SHCBP1L: variants seen among roughly 807,000 people sequenced by gnomAD.
SHCBP1L encodes testicular spindle-associated protein SHCBP1L.
In SHCBP1L, 67 loss-of-function variants were observed where a neutral mutation model predicts 62.5. The ratio of observed to expected loss-of-function variants is 1.07; its 90% confidence interval spans 0.88 to 1.31. The LOEUF is 1.31. SHCBP1L is among the 40% of genes most tolerant of loss of function. SHCBP1L has a pLI of 0.00. For missense variants in SHCBP1L, 823 were observed against 809.8 expected (o/e 1.02, Z -0.20); for synonymous variants, 284 against 289.4 (o/e 0.98, Z 0.19).
intron 3 of SHCBP1L, among the ~76,000 whole-genome samples, chr1:182,939,852 A>T (rs1651299600): frequency 1.3e-5 from 2 of 152,178 alleles, no homozygotes; most frequent in African/African-American, 4.8e-5. Context: ...CCAAATTTGT[A>T]TGGGAGGAAA....
At chr1:182,917,869 C>T (rs992984538) in intron 6 of SHCBP1L, among the ~76,000 whole-genome samples, 5 of 151,890 alleles carry the variant, frequency 3.3e-5, no homozygotes, top group Admixed American at 6.6e-5. Flanking sequence ...TTTGGAGGGA[C>T]GCAATTCTGC....
Position 182,918,133 on chromosome 1 carries a change from TATATATATACAC to T in SHCBP1L, c.1182+11502_1182+11513del, listed in dbSNP as rs1238036723. Among the ~76,000 whole-genome samples the T allele has an allele frequency of 7.0e-4, 99 of 140,754 alleles. No homozygotes were observed. In the East Asian group the frequency reaches 7.1e-3, roughly 10 times the overall value. The allele number at this position is 140,754 out of a possible 152,430, so 92.3% of individuals were successfully genotyped here. On this transcript the variant is annotated intron_variant, in intron 6 of 9. Coordinates refer to ENST00000367547, the MANE Select transcript of SHCBP1L (RefSeq NM_030933.4). Reference sequence around the variant, plus strand: ...ACACACACATATATACGTGTGTGTGTATATATATACACATATATATACACATATATATACACA... The same window carrying T: ...ACACACACATATATACGTGTGTGTGTATATATATACACATATATATACACA...
At chr1:182,902,281 G>A (rs1571333394) in intron 9 of SHCBP1L, among the ~76,000 whole-genome samples, 2 of 152,072 alleles carry the variant, frequency 1.3e-5, no homozygotes, top group East Asian at 1.9e-4. Context: ...TCAATCTCTT[G>A]ACCTCGTGAT....
chr1:182,951,825 T>C (rs986516747), intron 1 of SHCBP1L: 2 of 253,702 alleles, frequency 7.9e-6, no homozygotes, highest in Non-Finnish European at 8.0e-6. Context: ...AAATATTTGC[T>C]CTATTCCGTT....
chr1:182,919,623 G>A (rs968256216), intron 6 of SHCBP1L, among the ~76,000 whole-genome samples: 8 of 152,130 alleles, frequency 5.3e-5, no homozygotes, highest in African/African-American at 1.9e-4. Context: ...ATGTAAAAAA[G>A]CCTAGGCACC....
chr1:182,910,112 T>C (rs1650132560), intron 6 of SHCBP1L, among the ~76,000 whole-genome samples: 1 of 152,186 alleles, frequency 6.6e-6, no homozygotes, highest in South Asian at 2.1e-4. Context: ...AAGGAAGAGA[T>C]GACAGCACAG....
chr1:182,948,671 GC>G (rs1651648618), intron 2 of SHCBP1L, among the ~76,000 whole-genome samples: 1 of 152,150 alleles, frequency 6.6e-6, no homozygotes, highest in African/African-American at 2.4e-5. Flanking sequence ...TATTCTTTGA[GC>G]CACTGAGTGT....
intron 6 of SHCBP1L, among the ~76,000 whole-genome samples, chr1:182,914,326 C>G (rs1400167055): frequency 2.0e-5 from 3 of 151,988 alleles, no homozygotes; most frequent in Admixed American, 2.0e-4. Flanking sequence ...TAAAAAAATT[C>G]CAGTAAAGGT....
In SHCBP1L at chr1:182,951,417, C is replaced by T; in HGVS notation, c.456G>A (p.Lys152=). ...AGACTCCAAGCCATTTGTCTTTCAA[C>T]TTTAATTTTTCTGATAGGTATTTAC... is the stretch of plus-strand genomic sequence containing the variant. The part of the protein sequence containing the change: ...VMGKYLSEKL[K]LKDKWLGVWK... The change falls in exon 2 of 10, where the codon AAG becomes AAA. Residue 152 remains lysine, a synonymous_variant. Coordinates refer to ENST00000367547, the MANE Select transcript of SHCBP1L (RefSeq NM_030933.4). 1 of 1,609,040 alleles carries T rather than the reference C, an allele frequency of 6.2e-7. No homozygotes were observed. Among genetic ancestry groups the T allele is most frequent in the South Asian group, 1.1e-5 (1 of 89,988 alleles).
At chr1:182,948,980 T>C (rs1340163377) in intron 2 of SHCBP1L, among the ~76,000 whole-genome samples, 1 of 152,178 alleles carries the variant, frequency 6.6e-6, no homozygotes, top group Admixed American at 6.5e-5. Context: ...CATCCTGTCT[T>C]TCTAACATTT....
chr1:182,905,370 A>G, intron 7 of SHCBP1L, 126 bp downstream of exon 7: 1 of 990,854 alleles, frequency 1.0e-6, no homozygotes, highest in Non-Finnish European at 1.4e-6. Context: ...TAAAATGAAC[A>G]TAAAGGATTT....
Position 182,940,398 on chromosome 1 carries a change from A to G in SHCBP1L, c.701T>C (p.Leu234Ser). 1 of 1,613,982 alleles carries G rather than the reference A, an allele frequency of 6.2e-7. No individual in the cohort carries two copies. Among genetic ancestry groups the G allele is most frequent in the African/African-American group, 1.3e-5 (1 of 75,026 alleles). Residue 234 changes from leucine to serine, a missense_variant, in exon 3 of 10, where the codon TTG becomes TCG. Physicochemically the swap from Leu to Ser is moderately radical, Grantham distance 145 (BLOSUM62 -2). Transcript: ENST00000367547. Reference protein sequence around the residue: ...LEELEHSVPLLEVYPVEGQDT... With the variant: ...LEELEHSVPLSEVYPVEGQDT... ...TTGTCCCTCAACAGGATACACTTCC[A>G]AAAGAGGCACACTGTGTTCCAGTTC... is the stretch of plus-strand genomic sequence containing the variant.
intron 5 of SHCBP1L, among the ~76,000 whole-genome samples, chr1:182,931,393 G>T (rs1483423664): frequency 6.6e-6 from 1 of 151,946 alleles, no homozygotes; most frequent in Non-Finnish European, 1.5e-5. Context: ...GTTTATTAAG[G>T]TATAATTTAC....
At chr1:182,931,943 A>ATGTTTTTTTTTTT (rs1651010227) in intron 5 of SHCBP1L, among the ~76,000 whole-genome samples, 1 of 69,656 alleles carries the variant, frequency 1.4e-5, no homozygotes, top group Admixed American at 1.7e-4. Flanking sequence ...GGAACCACTG[A>ATGTTTTTTTTTTT]TTTTTTTTTT....
In SHCBP1L at chr1:182,904,403, A is replaced by C; in HGVS notation, c.1364T>G (p.Ile455Ser). 1.2e-6 allele frequency: 2 copies of C among 1,614,138 alleles called. No individual in the cohort carries two copies. The highest frequency in any genetic ancestry group is 1.7e-6 in the Non-Finnish European group (2 of 1,180,016). Residue 455 changes from isoleucine to serine, a missense_variant, in exon 8 of 10, where the codon ATT becomes AGT. By Grantham distance (142) the Ile-to-Ser change is moderately radical (BLOSUM62 -2). Transcript: ENST00000367547. ...ACTGTCACGAGAAGGTTCAGAAGTA[A>C]TCATAATTTCCTCTCTCTTTCCAAC... ...KGVGKREEIM[I>S]TSEPSRDSFV... is the part of the protein sequence containing the mutation.
intron 2 of SHCBP1L, among the ~76,000 whole-genome samples, chr1:182,948,878 G>C (rs1651658788): frequency 6.6e-6 from 1 of 152,270 alleles, no homozygotes; most frequent in Admixed American, 6.5e-5. Context: ...TATCTTAAGA[G>C]GTCCCAAGAG....
rs1352028335 is a variant in SHCBP1L, at chr1:182,900,358, T to C, written c.1711-124A>G. The C allele has an allele frequency of 3.8e-6, 3 of 793,094 alleles. No individual in the cohort carries two copies. The African/African-American group carries it at 5.3e-5, about 14-fold the overall frequency. The allele number at this position is 793,094 out of a possible 1,614,324, so 49.1% of individuals were successfully genotyped here. A position where few individuals can be genotyped will look rare whatever the true frequency, so the allele number is the denominator to read the frequency against. Reference sequence around the variant, plus strand: ...ACAGATTTTTTAAAACAACCAAGACTCTCAATTTTGAACAAGTGTTAAGTA... The same window carrying C: ...ACAGATTTTTTAAAACAACCAAGACCCTCAATTTTGAACAAGTGTTAAGTA... On this transcript the variant is annotated intron_variant, in intron 9 of 9. Transcript: ENST00000367547.
intron 6 of SHCBP1L, among the ~76,000 whole-genome samples, chr1:182,916,133 G>A (rs1364028804): frequency 1.3e-5 from 2 of 151,998 alleles, no homozygotes; most frequent in African/African-American, 4.8e-5. Flanking sequence ...ATAACAAATG[G>A]CTCAAAGATG....
At position 182,903,144 on chromosome 1, in the gene SHCBP1L, C is replaced by T. The variant is rs781294883; in HGVS notation, c.1605G>A (p.Leu535=). ...ITGAQGAGVE[L]YPGSIAILER... ...CCAAAATAGCTATGCTTCCAGGATA[C>T]AGTTCAACACCAGCACCCTGTAAAT... The change falls in exon 9 of 10, where the codon CTG becomes CTA. Residue 535 remains leucine (L), a synonymous_variant. Coordinates refer to ENST00000367547, the MANE Select transcript of SHCBP1L (RefSeq NM_030933.4). The T allele has an allele frequency of 1.9e-6, 3 of 1,593,348 alleles. No homozygotes were observed.
Sources: allele counts gnomAD v4.1 joint callset (sites outside exome capture counted in the v4.1 genomes callset), GRCh38; gene constraint gnomAD v4.1.1; transcripts MANE v1.5; gene names NCBI Gene and HGNC (gene_info 2026-07-23, HGNC 2026-07-21).